SLC25A21: variants seen among roughly 807,000 people sequenced by gnomAD.
The protein encoded by SLC25A21 is solute carrier family 25 member 21, also known as mitochondrial 2-oxodicarboxylate carrier.
In SLC25A21, 47 loss-of-function variants were observed where a neutral mutation model predicts 43.8. The ratio of observed to expected loss-of-function variants is 1.07; its 90% CI spans 0.85 to 1.37. The LOEUF is 1.37. Ranked by LOEUF, SLC25A21 falls within the 40% of genes most tolerant of loss-of-function variation. The pLI, the probability that SLC25A21 is intolerant of heterozygous loss-of-function variation, is 0.00. For missense variants in SLC25A21, 352 were observed against 350.2 expected (o/e 1.00, Z -0.04); for synonymous variants, 131 against 121.3 (o/e 1.08, Z -0.52).
At chr14:36,817,956 CTAT>C (rs1459480468) in intron 2 of SLC25A21, among the ~76,000 whole-genome samples, 1 of 152,172 alleles carries the variant, frequency 6.6e-6, no homozygotes, top group Non-Finnish European at 1.5e-5. Context: ...TATTTCCAAT[CTAT>C]TGTTCATTCA....
chr14:36,762,267 A>G (rs1275285475), intron 3 of SLC25A21, among the ~76,000 whole-genome samples: 1 of 152,198 alleles, frequency 6.6e-6, no homozygotes, highest in Non-Finnish European at 1.5e-5. Flanking sequence ...TTTTGTATAT[A>G]TTATCTCATT....
intron 7 of SLC25A21, among the ~76,000 whole-genome samples, chr14:36,698,098 A>G (rs372741791): frequency 6.6e-6 from 1 of 152,098 alleles, no homozygotes; most frequent in African/African-American, 2.4e-5. Flanking sequence ...AGCTCTTGTA[A>G]GGCAGGCCTG....
intron 1 of SLC25A21, among the ~76,000 whole-genome samples, chr14:37,069,950 A>G (rs1962138272): frequency 6.6e-6 from 1 of 152,170 alleles, no homozygotes; most frequent in African/African-American, 2.4e-5. Flanking sequence ...ACACACGCAC[A>G]TTACTGTTCA....
At chr14:36,979,051 G>A (rs941430776) in intron 1 of SLC25A21, among the ~76,000 whole-genome samples, 1 of 152,104 alleles carries the variant, frequency 6.6e-6, no homozygotes, top group East Asian at 1.9e-4. Context: ...TGGCACCACT[G>A]CACTCCAGCC....
chr14:36,821,933 G>A (rs1220166311), intron 2 of SLC25A21, among the ~76,000 whole-genome samples: 2 of 152,146 alleles, frequency 1.3e-5, no homozygotes, highest in East Asian at 1.9e-4. Flanking sequence ...AATCATGTTC[G>A]AAGGGTGTGG....
chr14:37,059,243 C>T (rs562087762), intron 1 of SLC25A21, among the ~76,000 whole-genome samples: 1 of 152,262 alleles, frequency 6.6e-6, no homozygotes, highest in South Asian at 2.1e-4. Flanking sequence ...TACACCCATC[C>T]TATGAAGCAC....
At chr14:37,161,932 C>T (rs367974266) in intron 1 of SLC25A21, among the ~76,000 whole-genome samples, 2 of 129,848 alleles carry the variant, frequency 1.5e-5, no homozygotes, top group African/African-American at 2.7e-5. Context: ...CAATGCACTC[C>T]GGCCTGGGCG....
chr14:36,680,459 T>C lies in SLC25A21; in HGVS notation c.*199A>G. On this transcript the variant is annotated 3_prime_UTR_variant, in exon 10 of 10. Transcript: ENST00000331299. ...TCATTGTTTCATATTATTTTTTTCT[T>C]CTCACAGTTTTATTTATACAGCCAA... 5 of 1,204,684 alleles carry C rather than the reference T, an allele frequency of 4.2e-6. No homozygotes were observed. The highest frequency in any genetic ancestry group is 5.2e-6 in the Non-Finnish European group (5 of 965,684). The allele number at this position is 1,204,684 out of a possible 1,614,324, so 74.6% of individuals were successfully genotyped here.
Position 36,684,934 on chromosome 14 carries a change from AAAG to A in SLC25A21, c.604-12_604-10del. The stretch of plus-strand genomic sequence containing the variant: ...AACTCCAAGATTGGATCCTAAAAGA[AAAG>A]AAGAATAATATAACAGAAAGGGGAG... On this transcript the variant is annotated splice_polypyrimidine_tract_variant and intron_variant, in intron 7 of 9. Transcript: ENST00000331299. The A allele has an allele frequency of 6.2e-7, 1 of 1,605,490 alleles. No homozygotes were observed. The highest frequency in any genetic ancestry group is 2.2e-5 in the East Asian group (1 of 44,804).
intron 1 of SLC25A21, among the ~76,000 whole-genome samples, chr14:37,150,687 A>C (rs1963744309): frequency 6.6e-6 from 1 of 152,218 alleles, no homozygotes. Context: ...CGCCATCTAT[A>C]GGTCTGCACA....
At chr14:36,898,181 C>T (rs1891297483) in intron 1 of SLC25A21, among the ~76,000 whole-genome samples, 2 of 152,214 alleles carry the variant, frequency 1.3e-5, no homozygotes, top group South Asian at 2.1e-4. Context: ...GTGGGCTACA[C>T]CCAGTTCGAG....
At chr14:36,745,683 A>G (rs1885466432) in intron 3 of SLC25A21, among the ~76,000 whole-genome samples, 1 of 151,994 alleles carries the variant, frequency 6.6e-6, no homozygotes, top group African/African-American at 2.4e-5. Context: ...CTACTTTTTG[A>G]TGGGGTTGTT....
Position 36,684,875 on chromosome 14 carries a change from C to T in SLC25A21, c.654G>A (p.Gly218=). 1.2e-6 allele frequency: 2 copies of T among 1,613,206 alleles called. No homozygotes were observed. The highest frequency in any genetic ancestry group is 8.5e-7 in the Non-Finnish European group (1 of 1,179,810). The change falls in exon 8 of 10, where the codon GGG becomes GGA. Residue 218 remains glycine, a synonymous_variant. Transcript: ENST00000331299. ...GGATGTTAATGACTGAGGCTATTGT[C>T]CCCGAGAGAAGACCAATCCCAAATT... ...WRKFGIGLLS[G]TIASVINIPF...
intron 2 of SLC25A21, among the ~76,000 whole-genome samples, chr14:36,864,623 T>C (rs1437113309): frequency 6.6e-6 from 1 of 152,236 alleles, no homozygotes; most frequent in Non-Finnish European, 1.5e-5. Flanking sequence ...ACAATATATT[T>C]GGGGATCCTG....
chr14:36,776,190 T>C (rs1175522210), intron 3 of SLC25A21, among the ~76,000 whole-genome samples: 3 of 151,606 alleles, frequency 2.0e-5, no homozygotes, highest in African/African-American at 7.3e-5. Flanking sequence ...CTTGAAACTT[T>C]GAAACTTCCC....
At chr14:37,001,935 A>G (rs1165734528) in intron 1 of SLC25A21, among the ~76,000 whole-genome samples, 1 of 152,086 alleles carries the variant, frequency 6.6e-6, no homozygotes, top group Admixed American at 6.6e-5. Context: ...TGCACTTTCT[A>G]TTTATCTGCA....
At chr14:36,714,354 A>G (rs977886149) in intron 6 of SLC25A21, among the ~76,000 whole-genome samples, 2 of 152,230 alleles carry the variant, frequency 1.3e-5, no homozygotes, top group African/African-American at 4.8e-5. Context: ...GCAGAATGCA[A>G]GATAACAGGT....
chr14:36,834,614 A>G (rs914366127), intron 2 of SLC25A21, among the ~76,000 whole-genome samples: 3 of 152,036 alleles, frequency 2.0e-5, no homozygotes, highest in African/African-American at 7.3e-5. Context: ...CTGCCCTTAC[A>G]CTTTGGAAAT....
At chr14:36,867,424 A>G (rs920395750) in intron 2 of SLC25A21, among the ~76,000 whole-genome samples, 1 of 152,092 alleles carries the variant, frequency 6.6e-6, no homozygotes, top group Non-Finnish European at 1.5e-5. Flanking sequence ...TTCTTCAACA[A>G]CATTCACTGG....
Sources: gnomAD v4.1 joint callset for allele counts (sites outside exome capture counted in the v4.1 genomes callset) on GRCh38, gnomAD v4.1.1 for gene constraint, MANE v1.5 for transcripts, NCBI Gene and HGNC (gene_info 2026-07-23, HGNC 2026-07-21) for gene names.